MSRA: variants seen among roughly 807,000 people sequenced by gnomAD.
MSRA encodes methionine sulfoxide reductase A.
MSRA carries 54 observed loss-of-function variants against 31.3 expected under a neutral mutation model. The observed-to-expected ratio is 1.73, with a 90% CI of 1.39 to 2.17. The LOEUF (loss-of-function observed/expected upper bound fraction) is 2.17, where lower values mean the gene tolerates loss of function less well. Ranked by LOEUF, MSRA falls within the 30% of genes most tolerant of loss-of-function variation. MSRA has a pLI of 0.00. For missense variants in MSRA, 507 were observed against 300.9 expected, an observed-to-expected ratio of 1.69 and a Z score of -5.07; for synonymous variants, 169 against 116.5, an observed-to-expected ratio of 1.45 and a Z score of -2.90.
At chr8:10,265,085 C>T (rs890818031) in intron 3 of MSRA, among the ~76,000 whole-genome samples, 1 of 152,164 alleles carries the variant, frequency 6.6e-6, no homozygotes, top group Non-Finnish European at 1.5e-5. Context: ...CACATTTTAC[C>T]TGCAGCTGAT....
At chr8:10,244,815 C>T (rs899687081) in intron 2 of MSRA, among the ~76,000 whole-genome samples, 1 of 152,264 alleles carries the variant, frequency 6.6e-6, no homozygotes, top group African/African-American at 2.4e-5. Flanking sequence ...TACCCCCTTA[C>T]TGTGTTATTT....
chr8:10,076,533 C>T (rs1487045200), intron 1 of MSRA, among the ~76,000 whole-genome samples: 1 of 152,188 alleles, frequency 6.6e-6, no homozygotes, highest in Admixed American at 6.5e-5. Flanking sequence ...TCTTGATGGT[C>T]AACATGGGTG....
At chr8:10,324,398 A>G (rs1193338250) in intron 5 of MSRA, among the ~76,000 whole-genome samples, 1 of 152,160 alleles carries the variant, frequency 6.6e-6, no homozygotes, top group African/African-American at 2.4e-5. Context: ...CTCTGCTCTC[A>G]CTATGGCTTA....
intron 1 of MSRA, among the ~76,000 whole-genome samples, chr8:10,087,532 T>C (rs1388290163): frequency 1.3e-5 from 2 of 152,304 alleles, no homozygotes; most frequent in South Asian, 2.1e-4. Flanking sequence ...GAGTTTCAGA[T>C]TGTAGCTCTA....
chr8:10,269,310 T>A (rs1482820989), intron 3 of MSRA, among the ~76,000 whole-genome samples: 1 of 152,226 alleles, frequency 6.6e-6, no homozygotes, highest in Non-Finnish European at 1.5e-5. Flanking sequence ...TATTCTTCAG[T>A]GGGAAAATAA....
chr8:10,382,044 T>A (rs1043271823), intron 5 of MSRA, among the ~76,000 whole-genome samples: 3 of 152,246 alleles, frequency 2.0e-5, no homozygotes, highest in African/African-American at 7.2e-5. Flanking sequence ...AAGGTTCTCC[T>A]GCCCAGTACA....
chr8:10,073,672 C>T (rs1046407421), intron 1 of MSRA, among the ~76,000 whole-genome samples: 9 of 151,898 alleles, frequency 5.9e-5, no homozygotes, highest in African/African-American at 1.9e-4. Flanking sequence ...CCATTGGCTG[C>T]GGCCAGCCTC....
intron 5 of MSRA, among the ~76,000 whole-genome samples, chr8:10,327,026 C>G (rs1376898855): frequency 6.6e-6 from 1 of 152,194 alleles, no homozygotes; most frequent in Non-Finnish European, 1.5e-5. Context: ...CTGGCTCCTT[C>G]TGCCAGCTCT....
intron 1 of MSRA, among the ~76,000 whole-genome samples, chr8:10,188,508 A>G (rs1290002059): frequency 1.3e-5 from 2 of 152,230 alleles, no homozygotes; most frequent in Non-Finnish European, 2.9e-5. Context: ...TGAAAGAAAA[A>G]GAATGGGGAA....
chr8:10,080,737 C>G (rs893798895), intron 1 of MSRA, among the ~76,000 whole-genome samples: 5 of 147,314 alleles, frequency 3.4e-5, no homozygotes, highest in African/African-American at 1.3e-4. Context: ...TGAGGTCTCG[C>G]TATGTTGCCG....
At chr8:10,073,734 C>T (rs1253767068) in intron 1 of MSRA, among the ~76,000 whole-genome samples, 2 of 151,944 alleles carry the variant, frequency 1.3e-5, no homozygotes, top group Admixed American at 6.6e-5. Context: ...CTTCTAAAGG[C>T]ACTTTCTACT....
chr8:10,222,060 A>C (rs1810560993), intron 2 of MSRA, among the ~76,000 whole-genome samples: 1 of 151,994 alleles, frequency 6.6e-6, no homozygotes, highest in South Asian at 2.1e-4. Context: ...TAGAGGGTTT[A>C]AGGCAGAGGT....
chr8:10,390,491 C>A lies in MSRA; in HGVS notation c.544-37657C>A, dbSNP rs368982737. On this transcript the variant is annotated intron_variant, in intron 5 of 5. Coordinates refer to ENST00000317173, the MANE Select transcript of MSRA (RefSeq NM_012331.5). ...CACTCCCACCCGTGTCCCCGCCCAC[C>A]ACGGGAAGCCAGGGGCATCCTGTGC... 4.3e-4 allele frequency among the ~76,000 whole-genome samples: 66 copies of A among 152,322 alleles called. 1 individual carries two copies. The South Asian group carries it at 0.013, about 29-fold the overall frequency.
intron 1 of MSRA, among the ~76,000 whole-genome samples, chr8:10,122,147 GTGT>G (rs1180168992): frequency 1.3e-5 from 2 of 152,110 alleles, no homozygotes; most frequent in African/African-American, 2.4e-5. Context: ...CATGCTGCTG[GTGT>G]TGTTGTAACC....
intron 4 of MSRA, among the ~76,000 whole-genome samples, chr8:10,305,430 T>C (rs1341440464): frequency 4.0e-5 from 5 of 125,656 alleles, no homozygotes; most frequent in Admixed American, 8.3e-5. Flanking sequence ...TTTTTTTTTT[T>C]CCGGATGGAG....
intron 1 of MSRA, among the ~76,000 whole-genome samples, chr8:10,151,894 T>A (rs1803712604): frequency 6.6e-6 from 1 of 152,230 alleles, no homozygotes; most frequent in Non-Finnish European, 1.5e-5. Flanking sequence ...CCTGGCCTTT[T>A]TAAGTGACTT....
rs970254635 is a variant in MSRA at position 10,197,926 on chromosome 8, C to T, written c.143-9907C>T. On this transcript the variant is annotated intron_variant, in intron 1 of 5. Transcript: ENST00000317173. ...CCCTGGGAAGAAAAGGGCTCTGCTG[C>T]ACCTTCCTGTGATGGAGCAGGCAAG... Among the ~76,000 whole-genome samples, 3 of 152,210 alleles carry T rather than the reference C, an allele frequency of 2.0e-5. No homozygotes were observed. The East Asian group carries it at 5.8e-4, about 29-fold the overall frequency.
chr8:10,285,731 A>G (rs1019640198), intron 3 of MSRA, among the ~76,000 whole-genome samples: 3 of 152,052 alleles, frequency 2.0e-5, no homozygotes, highest in African/African-American at 4.8e-5. Context: ...CGTATGAGAG[A>G]GAACATGCGG....
At chr8:10,198,310 T>C (rs566086553) in intron 1 of MSRA, among the ~76,000 whole-genome samples, 30 of 114,238 alleles carry the variant, frequency 2.6e-4, no homozygotes, top group African/African-American at 8.9e-4. Context: ...GAGGATACTT[T>C]ATTATTTTTT....
Sources: gnomAD v4.1 joint callset for allele counts (sites outside exome capture counted in the v4.1 genomes callset) on GRCh38, gnomAD v4.1.1 for gene constraint, MANE v1.5 for transcripts, NCBI Gene and HGNC (gene_info 2026-07-23, HGNC 2026-07-21) for gene names.